The following CCDC148 variants were observed in gnomAD, a reference collection of about 807,000 sequenced individuals.
The protein encoded by CCDC148 is coiled-coil domain-containing protein 148.
Under a neutral mutation model 85.7 loss-of-function variants are expected in CCDC148, and 89 were observed. The observed-to-expected ratio is 1.04, with a 90% CI of 0.87 to 1.24. The LOEUF (loss-of-function observed/expected upper bound fraction) is 1.24. CCDC148 is among the 50% of genes most tolerant of loss of function. The probability of loss-of-function intolerance (pLI) is 0.00; values close to 1 mark genes in which losing one functional copy is unlikely to be tolerated. For missense variants in CCDC148, 692 were observed against 671.7 expected (o/e 1.03, Z -0.33); for synonymous variants, 230 against 213.9 (o/e 1.08, Z -0.66).
At chr2:158,357,822 G>T (rs186290965) in intron 2 of CCDC148, among the ~76,000 whole-genome samples, 8 of 152,072 alleles carry the variant, frequency 5.3e-5, no homozygotes, top group Non-Finnish European at 8.8e-5. Context: ...TGTAAATTAC[G>T]TAACAAGTTG....
chr2:158,325,500 TC>T (rs1182770390), intron 7 of CCDC148, among the ~76,000 whole-genome samples: 1 of 152,182 alleles, frequency 6.6e-6, no homozygotes, highest in African/African-American at 2.4e-5. Flanking sequence ...TTTGATTTTC[TC>T]CTTCCTCTCT....
chr2:158,303,071 C>T (rs1049839845), intron 9 of CCDC148, among the ~76,000 whole-genome samples: 1 of 152,050 alleles, frequency 6.6e-6, no homozygotes, highest in Non-Finnish European at 1.5e-5. Flanking sequence ...AAAGAGAGCA[C>T]GAGAGCATTA....
At chr2:158,391,574 T>C (rs934742444) in intron 1 of CCDC148, among the ~76,000 whole-genome samples, 2 of 152,168 alleles carry the variant, frequency 1.3e-5, no homozygotes, top group African/African-American at 2.4e-5. Context: ...CTTATTATTA[T>C]TTAAGAATAA....
chr2:158,455,149 A>G (rs1414567412), intron 1 of CCDC148, among the ~76,000 whole-genome samples: 2 of 152,224 alleles, frequency 1.3e-5, no homozygotes, highest in Non-Finnish European at 1.5e-5. Flanking sequence ...TCATATAACA[A>G]TTTGTGGTTT....
chr2:158,337,391 C>A (rs1435773990), intron 7 of CCDC148, among the ~76,000 whole-genome samples: 2 of 152,168 alleles, frequency 1.3e-5, no homozygotes, highest in Non-Finnish European at 2.9e-5. Context: ...AATCCTCTTC[C>A]TCTTTCTTGA....
chr2:158,221,112 A>C (rs190170886), intron 10 of CCDC148, among the ~76,000 whole-genome samples: 147 of 152,346 alleles, frequency 9.6e-4, no homozygotes, highest in Non-Finnish European at 4.0e-4. Flanking sequence ...TATAGCATTA[A>C]AACTATTTTT....
chr2:158,214,121 TAAAAAAAAA>T (rs70990697), intron 11 of CCDC148, among the ~76,000 whole-genome samples: 21 of 96,630 alleles, frequency 2.2e-4, no homozygotes, highest in African/African-American at 7.5e-4. Context: ...AACATTGTGG[TAAAAAAAAA>T]AAAAAAAAAA....
chr2:158,403,595 C>G (rs1404179537), intron 1 of CCDC148, among the ~76,000 whole-genome samples: 1 of 151,924 alleles, frequency 6.6e-6, no homozygotes, highest in Non-Finnish European at 1.5e-5. Context: ...ATCCACTGTT[C>G]CTAATGCACC....
intron 7 of CCDC148, among the ~76,000 whole-genome samples, chr2:158,318,963 C>G (rs1055195093): frequency 6.6e-6 from 1 of 152,000 alleles, no homozygotes; most frequent in Admixed American, 6.6e-5. Flanking sequence ...GAGATGGGGT[C>G]TTGTTCTGTT....
At chr2:158,440,831 T>C (rs958769050) in intron 1 of CCDC148, among the ~76,000 whole-genome samples, 3 of 152,214 alleles carry the variant, frequency 2.0e-5, no homozygotes, top group Non-Finnish European at 4.4e-5. Flanking sequence ...GAATGACTAC[T>C]AGTATACTCC....
intron 1 of CCDC148, among the ~76,000 whole-genome samples, chr2:158,359,556 A>C (rs1574690126): frequency 6.6e-6 from 1 of 152,070 alleles, no homozygotes; most frequent in East Asian, 1.9e-4. Context: ...GTGGGGTGTC[A>C]CCTCACCCAG....
At chr2:158,199,667 A>G (rs1685854080) in intron 11 of CCDC148, among the ~76,000 whole-genome samples, 1 of 152,210 alleles carries the variant, frequency 6.6e-6, no homozygotes, top group South Asian at 2.1e-4. Flanking sequence ...TTTAACTTGG[A>G]GTCATTTTAA....
intron 2 of CCDC148, among the ~76,000 whole-genome samples, chr2:158,354,704 G>A (rs1420621827): frequency 6.6e-6 from 1 of 151,548 alleles, no homozygotes; most frequent in African/African-American, 2.4e-5. Context: ...TAGAGAAAGA[G>A]GGAATCCTCC....
intron 11 of CCDC148, among the ~76,000 whole-genome samples, chr2:158,199,112 T>G (rs192512581): frequency 6.6e-6 from 1 of 152,160 alleles, no homozygotes; most frequent in South Asian, 2.1e-4. Flanking sequence ...TAAGAAAACA[T>G]GTCTTGGTTT....
At chr2:158,355,029 T>C (rs1442736743) in intron 2 of CCDC148, among the ~76,000 whole-genome samples, 10 of 152,168 alleles carry the variant, frequency 6.6e-5, no homozygotes, top group South Asian at 2.1e-4. Flanking sequence ...AATTCAACAA[T>C]CCTTCATGCT....
intron 9 of CCDC148, among the ~76,000 whole-genome samples, chr2:158,274,287 A>C (rs1359327543): frequency 2.6e-5 from 4 of 152,182 alleles, no homozygotes; most frequent in African/African-American, 9.7e-5. Context: ...ATTCAGGTTT[A>C]CATTAAAGTA....
Position 158,176,591 on chromosome 2 carries a change from C to T in CCDC148, c.1559G>A (p.Gly520Asp). 3 of 1,612,022 alleles carry T rather than the reference C, an allele frequency of 1.9e-6. No homozygotes were observed. Among genetic ancestry groups the T allele is most frequent in the East Asian group, 4.5e-5 (2 of 44,568 alleles). The part of the protein sequence containing the change: ...SDTMASKARM[G>D]IEIEEEFILQ... Reference sequence around the variant, plus strand: ...AATAAATTCTTCTTCAATTTCAATGCCCATTCTAGCTTTTGATGCCATTGT... The same window carrying T: ...AATAAATTCTTCTTCAATTTCAATGTCCATTCTAGCTTTTGATGCCATTGT... Residue 520 changes from glycine (G) to aspartate (D), a missense_variant, in exon 13 of 14, where the codon GGC becomes GAC. Transcript: ENST00000283233.
In CCDC148 at chr2:158,345,316, G is replaced by T. The variant is rs769550349; in HGVS notation, c.150C>A (p.Ile50=). The T allele has an allele frequency of 1.2e-6, 2 of 1,608,524 alleles. No individual in the cohort carries two copies. Among genetic ancestry groups the T allele is most frequent in the Non-Finnish European group, 1.7e-6 (2 of 1,176,482 alleles). The change falls in exon 3 of 14, where the codon ATC becomes ATA. Residue 50 remains isoleucine, a splice_region_variant and synonymous_variant. Transcript: ENST00000283233. ...ACTTTGAAGTCAACATTGCTTTTCT[G>T]ATCTAGATTTAGAGGAACAAAAGAG... The part of the protein sequence containing the change: ...KLASASAKLK[I]RKAMLTSKLS...
intron 2 of CCDC148, among the ~76,000 whole-genome samples, chr2:158,351,566 G>C (rs2105257071): frequency 6.6e-6 from 1 of 152,354 alleles, no homozygotes; most frequent in East Asian, 1.9e-4. Context: ...ACCTGGCTTG[G>C]AGGGTCCTAT....
Sources: allele counts gnomAD v4.1 joint callset (sites outside exome capture counted in the v4.1 genomes callset), GRCh38; gene constraint gnomAD v4.1.1; transcripts MANE v1.5; gene names NCBI Gene and HGNC (gene_info 2026-07-23, HGNC 2026-07-21).